Variants in KBTBD12 observed in about 807,000 individuals in gnomAD.
KBTBD12 encodes the protein kelch repeat and BTB domain-containing protein 12.
Under a neutral mutation model 58.7 loss-of-function variants are expected in KBTBD12, and 53 were observed. The ratio of observed to expected loss-of-function variants is 0.90; its 90% confidence interval spans 0.72 to 1.14. KBTBD12 has a LOEUF of 1.14. KBTBD12 is among the 50% of genes most tolerant of loss of function. The pLI is 0.00. For missense variants in KBTBD12, 704 were observed against 751.3 expected (o/e 0.94, Z 0.74); for synonymous variants, 236 against 259.8 (o/e 0.91, Z 0.88).
intron 4 of KBTBD12, among the ~76,000 whole-genome samples, chr3:127,946,425 T>C (rs967981488): frequency 6.6e-6 from 1 of 152,240 alleles, no homozygotes; most frequent in Non-Finnish European, 1.5e-5. Flanking sequence ...CGGCAGTATA[T>C]GTCAGCACTT....
intron 4 of KBTBD12, among the ~76,000 whole-genome samples, chr3:127,939,651 T>C (rs1414532403): frequency 6.6e-6 from 1 of 151,752 alleles, no homozygotes; most frequent in African/African-American, 2.4e-5. Context: ...GATGGAAGAC[T>C]GAAAAATGTT....
chr3:127,916,212 C>T lies in KBTBD12; in HGVS notation c.-113+626C>T, dbSNP rs1404962767. Among the ~76,000 whole-genome samples the T allele has an allele frequency of 5.3e-5, 8 of 152,284 alleles. 1 individual carries two copies. The South Asian group carries it at 1.7e-3, about 32-fold the overall frequency. On this transcript the variant is annotated intron_variant, in intron 1 of 5. Transcript: ENST00000405109. ...CTTATTTGTCTTTATCATCCATGTG[C>T]CTGGCTGTTACTGGATGCCCGGTGT... is the stretch of plus-strand genomic sequence containing the variant.
At chr3:127,925,586 T>A (rs1939551990) in intron 2 of KBTBD12, among the ~76,000 whole-genome samples, 1 of 152,194 alleles carries the variant, frequency 6.6e-6, no homozygotes. Context: ...GAGAGCCCAT[T>A]TCCCTTTCTA....
At chr3:127,978,712 G>C (rs1364141022) in intron 5 of KBTBD12, among the ~76,000 whole-genome samples, 1 of 152,112 alleles carries the variant, frequency 6.6e-6, no homozygotes, top group African/African-American at 2.4e-5. Flanking sequence ...CCTTTTCTCT[G>C]ACCAGGGAAA....
intron 1 of KBTBD12, among the ~76,000 whole-genome samples, chr3:127,917,896 C>G (rs1478726455): frequency 6.6e-6 from 1 of 152,136 alleles, no homozygotes; most frequent in African/African-American, 2.4e-5. Context: ...CTCCTGTGTG[C>G]TAAGTGTCAT....
At chr3:127,983,658 C>T (rs530834261) in intron 5 of KBTBD12, among the ~76,000 whole-genome samples, 19 of 152,032 alleles carry the variant, frequency 1.2e-4, no homozygotes, top group Admixed American at 3.3e-4. Context: ...GAGGGTGAGG[C>T]GGGAGAATTG....
chr3:127,915,689 C>T (rs1939215964), intron 1 of KBTBD12, 103 bp downstream of exon 1: 1 of 152,266 alleles, frequency 6.6e-6, no homozygotes, highest in South Asian at 2.1e-4. Flanking sequence ...GCCACCGGCA[C>T]TTGCAGCCTC....
At chr3:127,952,592 C>T (rs1317473528) in intron 4 of KBTBD12, among the ~76,000 whole-genome samples, 8 of 152,174 alleles carry the variant, frequency 5.3e-5, no homozygotes, top group Admixed American at 5.2e-4. Context: ...ATTACACATA[C>T]AGTTAGGCCA....
At chr3:127,956,244 G>A (rs1940318015) in intron 4 of KBTBD12, among the ~76,000 whole-genome samples, 1 of 152,030 alleles carries the variant, frequency 6.6e-6, no homozygotes, top group Non-Finnish European at 1.5e-5. Context: ...TACTCTAAAA[G>A]ACCAAAGTTT....
intron 5 of KBTBD12, among the ~76,000 whole-genome samples, chr3:127,978,828 C>G (rs1219206827): frequency 6.6e-6 from 1 of 152,166 alleles, no homozygotes; most frequent in Admixed American, 6.5e-5. Flanking sequence ...TGCATCAGAG[C>G]AAAGAATCCA....
rs1940238671 is a variant in KBTBD12, at chr3:127,952,942, A to G, written c.1493-10247A>G. On this transcript the variant is annotated intron_variant, in intron 4 of 5. Transcript: ENST00000405109. ...TCTTTAACAGAAATAAGCCACAGAA[A>G]GGAAAGGTCCTTCTGCAGACCAATC... Among the ~76,000 whole-genome samples the G allele has an allele frequency of 2.0e-5, 3 of 152,362 alleles. No individual in the cohort carries two copies. In the South Asian group the frequency reaches 6.2e-4, roughly 32 times the overall value.
chr3:127,978,049 A>T (rs1940814343), intron 5 of KBTBD12, among the ~76,000 whole-genome samples: 1 of 152,226 alleles, frequency 6.6e-6, no homozygotes, highest in Admixed American at 6.5e-5. Flanking sequence ...GCATATGGCT[A>T]GCCAGCCATC....
At chr3:127,954,355 G>A (rs184621436) in intron 4 of KBTBD12, among the ~76,000 whole-genome samples, 1 of 152,248 alleles carries the variant, frequency 6.6e-6, no homozygotes, top group East Asian at 1.9e-4. Flanking sequence ...TTTGGGGGAA[G>A]GTAGAACATT....
chr3:127,932,167 A>G (rs1242550902), intron 4 of KBTBD12, among the ~76,000 whole-genome samples: 2 of 152,128 alleles, frequency 1.3e-5, no homozygotes, highest in Non-Finnish European at 2.9e-5. Context: ...TCAGAACTGG[A>G]GAACAGATTC....
intron 4 of KBTBD12, among the ~76,000 whole-genome samples, chr3:127,946,415 C>T (rs781774088): frequency 6.6e-6 from 1 of 152,156 alleles, no homozygotes; most frequent in African/African-American, 2.4e-5. Context: ...AATTATATAT[C>T]GGCAGTATAT....
chr3:127,938,034 C>A (rs899579251), intron 4 of KBTBD12, among the ~76,000 whole-genome samples: 1 of 151,950 alleles, frequency 6.6e-6, no homozygotes, highest in Non-Finnish European at 1.5e-5. Flanking sequence ...AGCAGACCAC[C>A]ATAAAGGAAT....
chr3:127,936,966 G>A (rs964571364), intron 4 of KBTBD12, among the ~76,000 whole-genome samples: 4 of 152,072 alleles, frequency 2.6e-5, no homozygotes, highest in Non-Finnish European at 5.9e-5. Context: ...AAAAGAAAAA[G>A]CTTGAATCAT....
chr3:127,982,348 G>A (rs1215001968), intron 5 of KBTBD12, among the ~76,000 whole-genome samples: 3 of 152,082 alleles, frequency 2.0e-5, no homozygotes, highest in African/African-American at 4.8e-5. Context: ...CTGTGCACAC[G>A]AGCCAGCCCA....
chr3:127,938,727 G>A (rs1012086800), intron 4 of KBTBD12, among the ~76,000 whole-genome samples: 1 of 152,134 alleles, frequency 6.6e-6, no homozygotes. Context: ...AAGAAAGCTG[G>A]TATAGCTGTT....
Sources: allele counts gnomAD v4.1 joint callset (sites outside exome capture counted in the v4.1 genomes callset), GRCh38; gene constraint gnomAD v4.1.1; transcripts MANE v1.5; gene names NCBI Gene and HGNC (gene_info 2026-07-23, HGNC 2026-07-21).